PGAP4: variants seen among roughly 807,000 people sequenced by gnomAD.
PGAP4 encodes the protein post-GPI attachment to proteins GalNAc transferase 4.
PGAP4 carries 12 observed loss-of-function variants against 28.2 expected under a neutral mutation model. The ratio of observed to expected loss-of-function variants is 0.42; its 90% CI spans 0.27 to 0.69. The LOEUF (loss-of-function observed/expected upper bound fraction) is 0.69, where lower values mean the gene tolerates loss of function less well. Ranked by LOEUF, PGAP4 falls within the 30% of genes least tolerant of loss-of-function variation. The pLI, the probability that PGAP4 is intolerant of heterozygous loss-of-function variation, is 0.22. For synonymous variants in PGAP4, 205 were observed against 211.8 expected, an observed-to-expected ratio of 0.97 and a Z score of 0.28; for missense variants, 425 against 513.5, an observed-to-expected ratio of 0.83 and a Z score of 1.67.
intron 2 of PGAP4, among the ~76,000 whole-genome samples, chr9:101,529,970 C>CA (rs1449162135): frequency 6.6e-6 from 1 of 152,176 alleles, no homozygotes; most frequent in Non-Finnish European, 1.5e-5. Flanking sequence ...CGAGTGATAC[C>CA]ATGCTAAGTA....
At chr9:101,505,609 T>A (rs978645053) in intron 2 of PGAP4, among the ~76,000 whole-genome samples, 1 of 152,066 alleles carries the variant, frequency 6.6e-6, no homozygotes, top group Non-Finnish European at 1.5e-5. Context: ...GAAACAACCA[T>A]CTGAGAATTC....
chr9:101,502,154 A>T (rs906195713), intron 2 of PGAP4, among the ~76,000 whole-genome samples: 1 of 152,026 alleles, frequency 6.6e-6, no homozygotes, highest in South Asian at 2.1e-4. Flanking sequence ...ATACATTTCA[A>T]ATGGGTTTGT....
chr9:101,508,317 A>G (rs1336961667), intron 2 of PGAP4, among the ~76,000 whole-genome samples: 1 of 152,118 alleles, frequency 6.6e-6, no homozygotes, highest in Non-Finnish European at 1.5e-5. Context: ...AGTCTGACTG[A>G]CAGTTGCTAT....
At chr9:101,527,480 C>T (rs1168602198) in intron 2 of PGAP4, among the ~76,000 whole-genome samples, 1 of 152,052 alleles carries the variant, frequency 6.6e-6, no homozygotes, top group African/African-American at 2.4e-5. Context: ...TCAATTCTCC[C>T]TTATTGATCC....
intron 2 of PGAP4, among the ~76,000 whole-genome samples, chr9:101,498,052 G>C (rs1260537333): frequency 6.6e-6 from 1 of 151,764 alleles, no homozygotes; most frequent in Non-Finnish European, 1.5e-5. Flanking sequence ...GCCCCAGTAG[G>C]TAAGACTGTG....
At chr9:101,492,332 T>A (rs1826698506) in intron 2 of PGAP4, among the ~76,000 whole-genome samples, 1 of 152,094 alleles carries the variant, frequency 6.6e-6, no homozygotes, top group Non-Finnish European at 1.5e-5. Flanking sequence ...TAGCTGGGAC[T>A]AAGGCGCATA....
intron 2 of PGAP4, among the ~76,000 whole-genome samples, chr9:101,505,924 A>G (rs1033927011): frequency 2.6e-5 from 4 of 152,180 alleles, no homozygotes; most frequent in Admixed American, 6.6e-5. Flanking sequence ...GAATAAGATA[A>G]AAAACAAAGA....
Position 101,476,868 on chromosome 9 carries a change from A to T in PGAP4, c.225T>A (p.Ala75=). The change falls in exon 2 of 2, where the codon GCT becomes GCA. Residue 75 remains alanine (A), a synonymous_variant. Coordinates refer to ENST00000374848, the MANE Select transcript of PGAP4 (RefSeq NM_032342.3). The surrounding 1 kb of genome is among the most constrained non-coding windows in gnomAD (Gnocchi z 7.0). The part of the protein sequence containing the change: ...FLQQSLKEGE[A]ALHYFEELPS... Reference sequence around the variant, plus strand: ...GAAGCTCCTCAAAATAGTGGAGGGCAGCCTCACCCTCTTTCAAGCTTTGCT... The same window carrying T: ...GAAGCTCCTCAAAATAGTGGAGGGCTGCCTCACCCTCTTTCAAGCTTTGCT... 2 of 1,611,596 alleles carry T rather than the reference A, an allele frequency of 1.2e-6. No individual in the cohort carries two copies. Among genetic ancestry groups the T allele is most frequent in the Middle Eastern group, 3.3e-4 (2 of 6,040 alleles).
At chr9:101,498,936 G>A (rs116945423) in intron 2 of PGAP4, among the ~76,000 whole-genome samples, 3,937 of 151,946 alleles carry the variant, frequency 0.026, 91 homozygotes, top group Non-Finnish European at 0.041. Context: ...GTAGTCAAAC[G>A]TAATCAAAAG....
At chr9:101,520,282 A>G (rs1480155359) in intron 2 of PGAP4, among the ~76,000 whole-genome samples, 1 of 152,100 alleles carries the variant, frequency 6.6e-6, no homozygotes, top group Non-Finnish European at 1.5e-5. Flanking sequence ...GATTGCATTG[A>G]ATTGTTAGAT....
intron 1 of PGAP4, among the ~76,000 whole-genome samples, chr9:101,485,259 T>G (rs942339125): frequency 6.6e-6 from 1 of 152,164 alleles, no homozygotes; most frequent in African/African-American, 2.4e-5. Context: ...GATGATAATT[T>G]TCTAGGCCTT....
At chr9:101,503,756 C>G (rs16920443) in intron 2 of PGAP4, among the ~76,000 whole-genome samples, 16,298 of 151,952 alleles carry the variant, frequency 0.11, 1,006 homozygotes, top group African/African-American at 0.16. Context: ...CTCTGGAAAT[C>G]CCCCTTTTTG....
chr9:101,523,596 A>C, intron 2 of PGAP4, among the ~76,000 whole-genome samples: 1 of 70,362 alleles, frequency 1.4e-5, no homozygotes, highest in Middle Eastern at 0.014. Context: ...TTCCTTGAAC[A>C]TTTCTCCCCT....
chr9:101,494,897 A>G (rs945307105), intron 2 of PGAP4, among the ~76,000 whole-genome samples: 2 of 150,980 alleles, frequency 1.3e-5, no homozygotes, highest in African/African-American at 4.8e-5. Flanking sequence ...TATAAATTTT[A>G]TATATTTTTT....
At chr9:101,518,452 C>G (rs1826959252) in intron 2 of PGAP4, among the ~76,000 whole-genome samples, 1 of 152,096 alleles carries the variant, frequency 6.6e-6, no homozygotes, top group Non-Finnish European at 1.5e-5. Flanking sequence ...CCCCCAAGTC[C>G]CCAATATCCA....
At chr9:101,495,843 C>A (rs1288616602) in intron 2 of PGAP4, among the ~76,000 whole-genome samples, 1 of 149,914 alleles carries the variant, frequency 6.7e-6, no homozygotes, top group Non-Finnish European at 1.5e-5. Flanking sequence ...GGTAAAAAAA[C>A]CAAACCAAAA....
intron 2 of PGAP4, among the ~76,000 whole-genome samples, chr9:101,519,020 G>T (rs1356239870): frequency 1.3e-5 from 2 of 152,112 alleles, no homozygotes; most frequent in East Asian, 3.8e-4. Flanking sequence ...GCAGGAGTGA[G>T]GTGGTATCAC....
chr9:101,515,760 A>C (rs1308484515), intron 2 of PGAP4, among the ~76,000 whole-genome samples: 1 of 152,134 alleles, frequency 6.6e-6, no homozygotes, highest in African/African-American at 2.4e-5. Flanking sequence ...AGAATTAACA[A>C]ATTTCTTTGT....
chr9:101,519,245 C>T (rs1187567734), intron 2 of PGAP4, among the ~76,000 whole-genome samples: 1 of 152,170 alleles, frequency 6.6e-6, no homozygotes, highest in Non-Finnish European at 1.5e-5. Flanking sequence ...GCAACCTCCA[C>T]CTCCTGGGTT....
Sources: gnomAD v4.1 joint callset for allele counts (sites outside exome capture counted in the v4.1 genomes callset) on GRCh38, gnomAD v4.1.1 for gene constraint, Gnocchi (gnomAD v3.1) non-coding constraint, MANE v1.5 for transcripts, NCBI Gene and HGNC (gene_info 2026-07-23, HGNC 2026-07-21) for gene names.